Variants in LRBA observed in about 807,000 individuals in gnomAD.
The protein encoded by LRBA is lipopolysaccharide-responsive and beige-like anchor protein.
Under a neutral mutation model 330.0 loss-of-function variants are expected in LRBA, and 176 were observed. The ratio of observed to expected loss-of-function variants is 0.53; its 90% CI spans 0.47 to 0.60. The LOEUF (loss-of-function observed/expected upper bound fraction) is 0.60. Ranked by LOEUF, LRBA falls within the 20% of genes least tolerant of loss-of-function variation. The pLI is 0.00. For synonymous variants in LRBA, 1,230 were observed against 1,193.0 expected (o/e 1.03, Z -0.64); for missense variants, 3,259 against 3,444.8 (o/e 0.95, Z 1.35).
At chr4:150,501,738 G>C (rs778760713) in intron 40 of LRBA, among the ~76,000 whole-genome samples, 2 of 152,078 alleles carry the variant, frequency 1.3e-5, no homozygotes, top group Admixed American at 1.3e-4. Context: ...TCAAGGGTCA[G>C]AATACTTCCA....
intron 22 of LRBA, among the ~76,000 whole-genome samples, chr4:150,860,104 T>G (rs572755027): frequency 1.3e-5 from 2 of 152,218 alleles, no homozygotes; most frequent in Admixed American, 1.3e-4. Context: ...CTATAAAGAT[T>G]TAAAATTCCA....
intron 56 of LRBA, among the ~76,000 whole-genome samples, chr4:150,266,398 C>A (rs971639914): frequency 6.6e-6 from 1 of 152,226 alleles, no homozygotes; most frequent in Non-Finnish European, 1.5e-5. Context: ...CAGTAACTCA[C>A]CGAAATCACT....
intron 40 of LRBA, chr4:150,579,572 C>T (rs926928646): frequency 9.3e-6 from 4 of 430,652 alleles, no homozygotes; most frequent in South Asian, 3.2e-5. Flanking sequence ...ACATTTGTAA[C>T]GTTTTATCAT....
intron 53 of LRBA, among the ~76,000 whole-genome samples, chr4:150,290,422 TC>T (rs1287133178): frequency 6.6e-6 from 1 of 152,206 alleles, no homozygotes; most frequent in African/African-American, 2.4e-5. Flanking sequence ...TAGTAGGATC[TC>T]CCAAAGGCTA....
intron 47 of LRBA, among the ~76,000 whole-genome samples, chr4:150,393,181 A>G (rs1419972882): frequency 2.0e-5 from 3 of 152,128 alleles, no homozygotes; most frequent in Non-Finnish European, 4.4e-5. Flanking sequence ...TTCCATTATT[A>G]GATGGTAAAT....
At chr4:150,837,979 C>T (rs1560893128) in intron 28 of LRBA, among the ~76,000 whole-genome samples, 1 of 152,156 alleles carries the variant, frequency 6.6e-6, no homozygotes, top group Non-Finnish European at 1.5e-5. Flanking sequence ...TCTTGTAGGG[C>T]AGGCCTGGTG....
At chr4:150,839,484 A>G (rs1748706185) in intron 28 of LRBA, among the ~76,000 whole-genome samples, 1 of 152,210 alleles carries the variant, frequency 6.6e-6, no homozygotes, top group Non-Finnish European at 1.5e-5. Context: ...CTTGGAACCA[A>G]TCCAAATGTC....
intron 31 of LRBA, among the ~76,000 whole-genome samples, chr4:150,814,621 C>T (rs996096124): frequency 6.7e-6 from 1 of 148,272 alleles, no homozygotes; most frequent in Non-Finnish European, 1.5e-5. Flanking sequence ...ACTGAAAAAG[C>T]AATAACTGTT....
intron 47 of LRBA, among the ~76,000 whole-genome samples, chr4:150,390,823 C>A (rs1561108702): frequency 6.6e-6 from 1 of 152,120 alleles, no homozygotes; most frequent in Admixed American, 6.5e-5. Context: ...AGCAATAAGG[C>A]TAAATAAACT....
At position 150,477,203 on chromosome 4, in the gene LRBA, G is replaced by A. The variant is rs141765635; in HGVS notation, c.6552-5464C>T. Among the ~76,000 whole-genome samples, 359 of 152,204 alleles carry A rather than the reference G, an allele frequency of 2.4e-3. 1 individual carries two copies. The highest frequency in any genetic ancestry group is 8.2e-3 in the African/African-American group (340 of 41,530). On this transcript the variant is annotated intron_variant, in intron 42 of 56. Coordinates refer to ENST00000651943, the MANE Select transcript of LRBA (RefSeq NM_001364905.1). ...TCTATGTCTTACTGATTTCTCATCA[G>A]ATATTTTCATGTTTAAAAACTACCA...
At chr4:150,696,841 C>A (rs1784659066) in intron 36 of LRBA, among the ~76,000 whole-genome samples, 1 of 65,356 alleles carries the variant, frequency 1.5e-5, no homozygotes, top group Non-Finnish European at 7.5e-5. Context: ...AGTCCCATCT[C>A]CACAAAAAAA....
intron 37 of LRBA, among the ~76,000 whole-genome samples, chr4:150,635,075 T>C (rs1021491998): frequency 2.6e-5 from 4 of 152,300 alleles, no homozygotes; most frequent in Admixed American, 6.5e-5. Flanking sequence ...GTAGAAATCT[T>C]AGAGGCATTT....
intron 2 of LRBA, among the ~76,000 whole-genome samples, chr4:150,943,858 T>C (rs1735939298): frequency 1.3e-5 from 2 of 152,186 alleles, no homozygotes. Context: ...AGAAGTAATG[T>C]GTGACTTACG....
At chr4:150,681,008 T>A (rs1783005287) in intron 37 of LRBA, among the ~76,000 whole-genome samples, 1 of 152,136 alleles carries the variant, frequency 6.6e-6, no homozygotes, top group South Asian at 2.1e-4. Flanking sequence ...ATGCCACAAA[T>A]GAAATTTCTA....
At chr4:150,417,735 T>C (rs370493966) in intron 46 of LRBA, among the ~76,000 whole-genome samples, 1 of 152,290 alleles carries the variant, frequency 6.6e-6, no homozygotes, top group South Asian at 2.1e-4. Context: ...CATTGTAAAT[T>C]AGAGATGCAT....
intron 35 of LRBA, among the ~76,000 whole-genome samples, chr4:150,746,998 C>G (rs1560763649): frequency 6.6e-6 from 1 of 152,146 alleles, no homozygotes; most frequent in Non-Finnish European, 1.5e-5. Context: ...GTATTGTTGA[C>G]AAGGTATCAG....
chr4:150,718,609 ACT>A (rs1274317250), intron 36 of LRBA, among the ~76,000 whole-genome samples: 2 of 152,076 alleles, frequency 1.3e-5, no homozygotes, highest in African/African-American at 4.8e-5. Context: ...CTTAAAATTG[ACT>A]CTGATGTAGA....
In LRBA at chr4:150,583,581, G is replaced by C. The variant is rs1337613845; in HGVS notation, c.6330+4467C>G. ...GCACCGGGATCTGGCCTCGCAGCGC[G>C]GCACAGTGGCCTATGCCCCACATCC... On this transcript the variant is annotated intron_variant, in intron 40 of 56. Coordinates refer to ENST00000651943, the MANE Select transcript of LRBA (RefSeq NM_001364905.1). This position sits in a 1 kb window ranked among gnomAD's most constrained non-coding sequence, Gnocchi z 9.8. The C allele has an allele frequency of 6.2e-7, 1 of 1,613,852 alleles. No homozygotes were observed. Among genetic ancestry groups the C allele is most frequent in the African/African-American group, 1.3e-5 (1 of 75,042 alleles).
intron 36 of LRBA, among the ~76,000 whole-genome samples, chr4:150,708,800 T>C (rs1362375219): frequency 1.3e-5 from 2 of 151,858 alleles, no homozygotes; most frequent in Non-Finnish European, 3.0e-5. Context: ...GGCTATATAA[T>C]AGAGACAAAA....
Sources: gnomAD v4.1 joint callset for allele counts (sites outside exome capture counted in the v4.1 genomes callset) on GRCh38, gnomAD v4.1.1 for gene constraint, Gnocchi (gnomAD v3.1) non-coding constraint, MANE v1.5 for transcripts, NCBI Gene and HGNC (gene_info 2026-07-23, HGNC 2026-07-21) for gene names.